GNAL: variants seen among roughly 807,000 people sequenced by gnomAD.
GNAL encodes G protein subunit alpha L, also known as guanine nucleotide-binding protein G(olf) subunit alpha.
GNAL carries 18 observed loss-of-function variants against 55.1 expected under a neutral mutation model. That is an observed-to-expected ratio of 0.33 (90% CI 0.23 to 0.48). GNAL has a LOEUF of 0.48. Among genes scored for constraint, GNAL ranks in the 20% least tolerant of loss-of-function variants. The probability of loss-of-function intolerance (pLI) is 0.99; values close to 1 mark genes in which losing one functional copy is unlikely to be tolerated. For missense variants in GNAL, 412 were observed against 614.1 expected, an observed-to-expected ratio of 0.67 and a Z score of 3.48; for synonymous variants, 253 against 237.0, an observed-to-expected ratio of 1.07 and a Z score of -0.62.
At chr18:11,730,784 T>A (rs886682605) in intron 1 of GNAL, among the ~76,000 whole-genome samples, 1 of 151,652 alleles carries the variant, frequency 6.6e-6, no homozygotes, top group South Asian at 2.1e-4. Context: ...AAAAATAAAA[T>A]AAAATAAAGA....
chr18:11,791,465 T>C (rs2034234817), intron 4 of GNAL, among the ~76,000 whole-genome samples: 1 of 152,172 alleles, frequency 6.6e-6, no homozygotes, highest in South Asian at 2.1e-4. Context: ...TATCAAGAGA[T>C]CATGCTTGTT....
intron 1 of GNAL, among the ~76,000 whole-genome samples, chr18:11,700,266 T>TAAATG (rs1283092958): frequency 6.6e-6 from 1 of 152,238 alleles, no homozygotes; most frequent in Non-Finnish European, 1.5e-5. Context: ...AGCTGTGGTT[T>TAAATG]ATGAATAAAA....
intron 1 of GNAL, among the ~76,000 whole-genome samples, chr18:11,719,621 G>A (rs957271575): frequency 2.6e-5 from 4 of 152,182 alleles, no homozygotes; most frequent in African/African-American, 9.7e-5. Context: ...AATTGCTTGC[G>A]CCCTGGATGT....
intron 5 of GNAL, among the ~76,000 whole-genome samples, chr18:11,860,995 A>G (rs527318583): frequency 1.3e-5 from 2 of 152,150 alleles, no homozygotes; most frequent in Non-Finnish European, 2.9e-5. Context: ...CCTCTTGCCC[A>G]CACTGAGGTT....
intron 5 of GNAL, chr18:11,852,275 T>A: frequency 2.5e-6 from 2 of 813,288 alleles, no homozygotes; most frequent in Non-Finnish European, 3.8e-6. Context: ...AGAAATTCAG[T>A]ATTTCTGCAC....
intron 4 of GNAL, among the ~76,000 whole-genome samples, chr18:11,785,253 G>A (rs1388084110): frequency 1.3e-5 from 2 of 151,664 alleles, no homozygotes; most frequent in African/African-American, 4.8e-5. Flanking sequence ...TTGGGATAAA[G>A]ATGAGGTCAT....
Position 11,752,670 on chromosome 18 carries a change from A to G in GNAL, c.377-183A>G. 2 of 1,298,462 alleles carry G rather than the reference A, an allele frequency of 1.5e-6. No homozygotes were observed. Among genetic ancestry groups the G allele is most frequent in the Non-Finnish European group, 2.0e-6 (2 of 996,446 alleles). The allele number at this position is 1,298,462 out of a possible 1,614,324, so 80.4% of individuals were successfully genotyped here. ...CAGGCTGGGCGGGCAGGGCCGGGCG[A>G]GGGTCGCGCGCACCTCTGGGCCGCG... On this transcript the variant is annotated intron_variant, in intron 1 of 11. Transcript: ENST00000334049. This position sits in a 1 kb window ranked among gnomAD's most constrained non-coding sequence, Gnocchi z 4.5.
intron 4 of GNAL, among the ~76,000 whole-genome samples, chr18:11,798,604 T>G (rs1379814751): frequency 1.3e-5 from 2 of 152,226 alleles, no homozygotes; most frequent in African/African-American, 4.8e-5. Flanking sequence ...CTCAAATATG[T>G]ATGAATTATG....
rs2033512576 is a variant in GNAL, at chr18:11,768,959, AT to A, written c.624+15015del. Among the ~76,000 whole-genome samples the A allele has an allele frequency of 2.9e-5, 3 of 103,800 alleles. 1 individual carries two copies. Among genetic ancestry groups the A allele is most frequent in the African/African-American group, 1.0e-4 (2 of 19,656 alleles). 68.1% of individuals were successfully genotyped at this position (103,800 alleles called of 152,430 possible). ...TATTATATATATTACTATATGTTAT[AT>A]ATAATATATTATATATATTATATAT... On this transcript the variant is annotated intron_variant, in intron 4 of 11. Coordinates refer to ENST00000334049, the MANE Select transcript of GNAL (RefSeq NM_182978.4).
intron 1 of GNAL, among the ~76,000 whole-genome samples, chr18:11,717,199 G>A (rs756225918): frequency 7.2e-5 from 11 of 152,226 alleles, no homozygotes; most frequent in African/African-American, 2.4e-4. Flanking sequence ...CCAGCCGGCC[G>A]CTCCCAGTGC....
chr18:11,777,555 A>G (rs2033818216), intron 4 of GNAL, among the ~76,000 whole-genome samples: 1 of 152,238 alleles, frequency 6.6e-6, no homozygotes. Context: ...GACAGTTGGC[A>G]TGTTGATGAA....
intron 1 of GNAL, among the ~76,000 whole-genome samples, chr18:11,693,399 A>G (rs1240270712): frequency 6.6e-6 from 1 of 150,970 alleles, no homozygotes; most frequent in Non-Finnish European, 1.5e-5. Flanking sequence ...GGGGGAGTGT[A>G]TTGTATGTAT....
chr18:11,790,444 C>T (rs571771534), intron 4 of GNAL, among the ~76,000 whole-genome samples: 1 of 152,278 alleles, frequency 6.6e-6, no homozygotes, highest in East Asian at 1.9e-4. Flanking sequence ...AACATTCACA[C>T]TAAGATGGAC....
rs576596281 is a variant in GNAL at position 11,880,127 on chromosome 18, C to G, written c.1231-862C>G. 8.8e-5 allele frequency among the ~76,000 whole-genome samples: 13 copies of G among 147,834 alleles called. 1 individual carries two copies. Among genetic ancestry groups the G allele is most frequent in the South Asian group, 2.4e-4 (1 of 4,152 alleles). ...CAAAAAGTAGCCAGGCGTGGTGGCG[C>G]ACGCCTGTAATCCCAGCTACTCAGG... On this transcript the variant is annotated intron_variant, in intron 11 of 11. Coordinates refer to ENST00000334049, the MANE Select transcript of GNAL (RefSeq NM_182978.4).
chr18:11,790,503 T>C (rs911564412), intron 4 of GNAL, among the ~76,000 whole-genome samples: 1 of 152,224 alleles, frequency 6.6e-6, no homozygotes, highest in Admixed American at 6.5e-5. Context: ...CTTATTTTAA[T>C]TCAGCAATTC....
intron 9 of GNAL, among the ~76,000 whole-genome samples, chr18:11,869,840 C>T (rs952724004): frequency 5.9e-5 from 9 of 151,990 alleles, no homozygotes; most frequent in Middle Eastern, 6.8e-3. Flanking sequence ...GCCCAGGAGG[C>T]GGAGGTTACA....
At chr18:11,719,286 A>T (rs1396811552) in intron 1 of GNAL, among the ~76,000 whole-genome samples, 1 of 152,068 alleles carries the variant, frequency 6.6e-6, no homozygotes, top group Admixed American at 6.6e-5. Flanking sequence ...GAGGTGTTTG[A>T]TGTGGATTTT....
rs1210484352 is a variant in GNAL, at chr18:11,882,759, C to CTT, written c.*1625_*1626dup. ...TAGGAGAATGAGGATGACAGCTTCA[C>CTT]TTGCCTTTTGAAGAAGAAACATTAC... On this transcript the variant is annotated 3_prime_UTR_variant, in exon 12 of 12. Transcript: ENST00000334049. 1 of 151,028 alleles carries CTT rather than the reference C, an allele frequency of 6.6e-6. No homozygotes were observed. The highest frequency in any genetic ancestry group is 1.5e-5 in the Non-Finnish European group (1 of 67,832). The allele number at this position is 151,028 out of a possible 1,614,324, so 9.4% of individuals were successfully genotyped here.
chr18:11,840,572 G>A lies in GNAL; in HGVS notation c.722+15557G>A, dbSNP rs531639293. ...GTGACCTGAGCAAATCTGTGTGTTT[G>A]GTATCTGGGGCACCCCCTCTGAGAA... On this transcript the variant is annotated intron_variant, in intron 5 of 11. Coordinates refer to ENST00000334049, the MANE Select transcript of GNAL (RefSeq NM_182978.4). Among the ~76,000 whole-genome samples the A allele has an allele frequency of 2.6e-5, 4 of 152,310 alleles. No individual in the cohort carries two copies. The East Asian group carries it at 7.7e-4, about 29-fold the overall frequency.
Sources: allele counts gnomAD v4.1 joint callset (sites outside exome capture counted in the v4.1 genomes callset), GRCh38; gene constraint gnomAD v4.1.1; non-coding constraint Gnocchi (gnomAD v3.1); transcripts MANE v1.5; gene names NCBI Gene and HGNC (gene_info 2026-07-23, HGNC 2026-07-21).